Variants in NTRK2 observed in about 807,000 individuals in gnomAD.
NTRK2 encodes the protein BDNF/NT-3 growth factors receptor.
Under a neutral mutation model 94.5 loss-of-function variants are expected in NTRK2, and 13 were observed. The observed-to-expected ratio is 0.14, with a 90% CI of 0.09 to 0.22. The LOEUF (loss-of-function observed/expected upper bound fraction) is 0.22. NTRK2 is among the 10% of genes least tolerant of loss of function. The pLI, the probability that NTRK2 is intolerant of heterozygous loss-of-function variation, is 1.00. For missense variants in NTRK2, 639 were observed against 1,071.2 expected, an observed-to-expected ratio of 0.60 and a Z score of 5.63; for synonymous variants, 372 against 407.4, an observed-to-expected ratio of 0.91 and a Z score of 1.05.
At chr9:84,959,008 C>T (rs1824530363) in intron 17 of NTRK2, among the ~76,000 whole-genome samples, 1 of 152,242 alleles carries the variant, frequency 6.6e-6, no homozygotes, top group African/African-American at 2.4e-5. Flanking sequence ...TATTGGGTCA[C>T]TTGAAAGCTT....
chr9:84,857,923 A>G (rs2075144562), intron 12 of NTRK2, among the ~76,000 whole-genome samples: 1 of 152,042 alleles, frequency 6.6e-6, no homozygotes. Context: ...TTCTTCACAT[A>G]GGCACCTTGT....
At chr9:84,873,299 G>T in intron 14 of NTRK2, 1 of 1,059,146 alleles carries the variant, frequency 9.4e-7, no homozygotes, top group South Asian at 4.6e-5. Flanking sequence ...GCCTTGGAAG[G>T]CCATGGCCTG....
intron 12 of NTRK2, chr9:84,815,226 C>A (rs1448888709): frequency 1.9e-6 from 2 of 1,056,588 alleles, no homozygotes; most frequent in East Asian, 1.1e-4. Context: ...TGCAGTATAG[C>A]TTTGGCATGT....
rs762209906 is a variant in NTRK2, at chr9:85,021,468, C to T, written c.*31C>T. 31 of 1,608,258 alleles carry T rather than the reference C, an allele frequency of 1.9e-5. No individual in the cohort carries two copies. The highest frequency in any genetic ancestry group is 5.5e-5 in the South Asian group (5 of 90,958). ...TTTTCCCCAGACCGATCCTTCCCAA[C>T]GTACTCCTCAGACGGGCTGAGAGGA... On this transcript the variant is annotated 3_prime_UTR_variant, in exon 19 of 19. Transcript: ENST00000277120.
chr9:84,910,110 A>G (rs894541667), intron 14 of NTRK2, among the ~76,000 whole-genome samples: 5 of 152,130 alleles, frequency 3.3e-5, no homozygotes, highest in African/African-American at 7.2e-5. Flanking sequence ...TTTAATTTTT[A>G]TACACAATGT....
At chr9:84,780,314 A>C (rs1259000500) in intron 12 of NTRK2, among the ~76,000 whole-genome samples, 1 of 152,172 alleles carries the variant, frequency 6.6e-6, no homozygotes, top group Non-Finnish European at 1.5e-5. Flanking sequence ...AGAGTTGAGT[A>C]GCTGTGACAG....
chr9:84,710,020 C>T (rs2061339150), intron 5 of NTRK2, among the ~76,000 whole-genome samples: 1 of 150,208 alleles, frequency 6.7e-6, no homozygotes, highest in African/African-American at 2.5e-5. Context: ...AGGTCTACAG[C>T]TTCCTTTCAG....
chr9:84,721,309 G>A (rs998678121), intron 6 of NTRK2, among the ~76,000 whole-genome samples: 4 of 151,952 alleles, frequency 2.6e-5, no homozygotes, highest in African/African-American at 9.7e-5. Context: ...CCAAGTAGCT[G>A]GGATTACAGG....
chr9:84,738,668 T>G (rs1026098508), intron 9 of NTRK2, among the ~76,000 whole-genome samples: 8 of 152,218 alleles, frequency 5.3e-5, no homozygotes, highest in Non-Finnish European at 8.8e-5. Context: ...TTCATAAACA[T>G]TAGGTCTCTA....
chr9:84,797,543 A>T (rs868471422), intron 12 of NTRK2, among the ~76,000 whole-genome samples: 4 of 66,306 alleles, frequency 6.0e-5, no homozygotes, highest in African/African-American at 2.1e-4. Flanking sequence ...TGTATATATA[A>T]TATATATATT....
Position 84,702,160 on chromosome 9 carries a change from T to C in NTRK2, c.214T>C (p.Phe72Leu). ...SVDPENITEI[F>L]IANQKRLEII... ...GATTCACTCTCTGCTTTGTTACAGT[T>C]TCATCGCAAACCAGAAAAGGTTAGA... The change falls in exon 3 of 19, where the codon TTC (phenylalanine) becomes CTC (leucine). Residue 72 changes from phenylalanine (F) to leucine (L), a missense_variant and splice_region_variant. Physicochemically the swap from Phe to Leu is conservative, Grantham distance 22 (BLOSUM62 0). Transcript: ENST00000277120. 1 of 1,613,978 alleles carries C rather than the reference T, an allele frequency of 6.2e-7. No individual in the cohort carries two copies. The highest frequency in any genetic ancestry group is 8.5e-7 in the Non-Finnish European group (1 of 1,179,876).
At chr9:84,674,666 G>A (rs1470824730) in intron 2 of NTRK2, among the ~76,000 whole-genome samples, 1 of 152,220 alleles carries the variant, frequency 6.6e-6, no homozygotes, top group Non-Finnish European at 1.5e-5. Flanking sequence ...GAATAAGGCA[G>A]TCTAATTTAC....
At chr9:84,792,948 G>A (rs1235737766) in intron 12 of NTRK2, among the ~76,000 whole-genome samples, 1 of 152,182 alleles carries the variant, frequency 6.6e-6, no homozygotes, top group South Asian at 2.1e-4. Context: ...AAGATGTAGT[G>A]GTTGCTACAT....
At chr9:85,007,433 AT>A in intron 17 of NTRK2, among the ~76,000 whole-genome samples, 1 of 152,314 alleles carries the variant, frequency 6.6e-6, no homozygotes, top group African/African-American at 2.4e-5. Flanking sequence ...ATGACTTTTA[AT>A]TTTATCCTAA....
intron 13 of NTRK2, 138 bp downstream of exon 13, chr9:84,861,225 G>A (rs1391287763): frequency 1.4e-6 from 1 of 709,256 alleles, no homozygotes. Context: ...TGTTGAAGAA[G>A]TAGGTCTAGA....
chr9:84,828,875 T>C (rs1316080705), intron 12 of NTRK2, among the ~76,000 whole-genome samples: 1 of 152,186 alleles, frequency 6.6e-6, no homozygotes, highest in East Asian at 1.9e-4. Context: ...AATGGAATGC[T>C]ACATGCCTTC....
chr9:84,896,283 A>C (rs1047292401), intron 14 of NTRK2, among the ~76,000 whole-genome samples: 1 of 152,374 alleles, frequency 6.6e-6, no homozygotes, highest in East Asian at 1.9e-4. Flanking sequence ...CTGTGCAAGA[A>C]TGGAAGCTCC....
intron 2 of NTRK2, among the ~76,000 whole-genome samples, chr9:84,699,369 C>T (rs2060581307): frequency 1.3e-5 from 2 of 152,132 alleles, no homozygotes; most frequent in African/African-American, 4.8e-5. Flanking sequence ...CTTCTGTTGG[C>T]CTTTCCATCT....
At chr9:84,903,746 C>A (rs1235048906) in intron 14 of NTRK2, among the ~76,000 whole-genome samples, 1 of 149,622 alleles carries the variant, frequency 6.7e-6, no homozygotes, top group East Asian at 2.0e-4. Context: ...TCCCTCCCTT[C>A]TCTCTCTCTC....
Sources: allele counts gnomAD v4.1 joint callset (sites outside exome capture counted in the v4.1 genomes callset), GRCh38; gene constraint gnomAD v4.1.1; transcripts MANE v1.5; gene names NCBI Gene and HGNC (gene_info 2026-07-23, HGNC 2026-07-21).